HECTD4: variants seen among roughly 807,000 people sequenced by gnomAD.
HECTD4 encodes HECT domain E3 ubiquitin protein ligase 4.
A neutral mutation model predicts 471.5 loss-of-function variants in HECTD4; 114 were observed. That is an observed-to-expected ratio of 0.24 (90% confidence interval 0.21 to 0.28). HECTD4 has a LOEUF of 0.28. HECTD4 is among the 10% of genes least tolerant of loss of function. The pLI is 1.00. For synonymous variants in HECTD4, 2,012 were observed against 2,256.0 expected (o/e 0.89, Z 3.07); for missense variants, 3,866 against 5,651.5 (o/e 0.68, Z 10.13).
In HECTD4 at chr12:112,166,637, C is replaced by T. The variant is rs569397196; in HGVS notation, c.12534+680G>A. On this transcript the variant is annotated intron_variant, in intron 72 of 75. Coordinates refer to ENST00000682272, the MANE Select transcript of HECTD4 (RefSeq NM_001388303.1). This position sits in a 1 kb window ranked among gnomAD's most constrained non-coding sequence, Gnocchi z 4.6. The stretch of plus-strand genomic sequence containing the variant: ...CTGTGAGGGCCCAGGCAAGTCACCT[C>T]CCTTTGGTGAGCCTCACTTTCCTCC... 7 of 152,656 alleles carry T rather than the reference C, an allele frequency of 4.6e-5. No homozygotes were observed. In the East Asian group the frequency reaches 1.4e-3, roughly 29 times the overall value. 9.5% of individuals were successfully genotyped at this position (152,656 alleles called of 1,614,324 possible).
chr12:112,351,083 G>T (rs902031716), intron 1 of HECTD4, among the ~76,000 whole-genome samples: 12 of 152,198 alleles, frequency 7.9e-5, no homozygotes, highest in Admixed American at 7.2e-4. Flanking sequence ...AGGAAGACAT[G>T]TTTGGTTTGG....
chr12:112,240,140 G>A (rs2033605243), intron 32 of HECTD4, 113 bp from the exon 33 acceptor site: 2 of 1,079,402 alleles, frequency 1.9e-6, no homozygotes, highest in South Asian at 1.6e-5. Flanking sequence ...AGAACTGAAG[G>A]GATCTTGGAG....
At chr12:112,177,239 A>C (rs1027133758) in intron 64 of HECTD4, among the ~76,000 whole-genome samples, 2 of 152,218 alleles carry the variant, frequency 1.3e-5, no homozygotes, top group African/African-American at 2.4e-5. Flanking sequence ...CTGGTTAAAC[A>C]ATTCCTCTAG....
chr12:112,354,905 C>T (rs530572791), intron 1 of HECTD4, among the ~76,000 whole-genome samples: 19 of 152,052 alleles, frequency 1.2e-4, no homozygotes, highest in African/African-American at 4.3e-4. Context: ...CAAAGATGAG[C>T]GCTGCCCTAC....
chr12:112,309,508 G>T, intron 5 of HECTD4, 53 bp downstream of exon 5: 1 of 784,440 alleles, frequency 1.3e-6, no homozygotes, highest in South Asian at 1.6e-5. Context: ...AGAGATTTAT[G>T]TAAGGAGGAT....
At chr12:112,352,513 T>A (rs1467560445) in intron 1 of HECTD4, among the ~76,000 whole-genome samples, 2 of 151,734 alleles carry the variant, frequency 1.3e-5, no homozygotes. Context: ...TTTTTATATT[T>A]TTAGTAGAGA....
chr12:112,186,340 A>ACT (rs1566065145), intron 60 of HECTD4, among the ~76,000 whole-genome samples: 5 of 113,938 alleles, frequency 4.4e-5, no homozygotes, highest in East Asian at 5.2e-4. Context: ...TTTTTTTAAT[A>ACT]ATTTTTTTTT....
At chr12:112,177,377 A>T (rs12301331) in intron 64 of HECTD4, among the ~76,000 whole-genome samples, 12,289 of 127,182 alleles carry the variant, frequency 0.097, 752 homozygotes, top group Middle Eastern at 0.19. Context: ...TTATGAGGCT[A>T]TTTTTTTTTT....
At position 112,185,486 on chromosome 12, in the gene HECTD4, G is replaced by A. The variant is rs1249321028; in HGVS notation, c.9480C>T (p.Phe3160=). 1 of 1,543,664 alleles carries A rather than the reference G, an allele frequency of 6.5e-7. No individual in the cohort carries two copies. The highest frequency in any genetic ancestry group is 2.3e-5 in the East Asian group (1 of 44,068). ...LLQVVELLGN[F]LWTTDMAACV... ...AGGCTGCCATGTCCGTGGTCCACAA[G>A]AAGTTTCCTGAGGCAAATGAAAATA... The change falls in exon 61 of 76, where the codon TTC becomes TTT. Residue 3160 remains phenylalanine, a synonymous_variant. Transcript: ENST00000682272.
intron 20 of HECTD4, among the ~76,000 whole-genome samples, chr12:112,257,131 T>C (rs2034031925): frequency 6.6e-6 from 1 of 152,232 alleles, no homozygotes. Context: ...TTAGTTACCA[T>C]GGAATTCTCT....
At chr12:112,280,467 C>T (rs555901395) in intron 8 of HECTD4, among the ~76,000 whole-genome samples, 44 of 151,918 alleles carry the variant, frequency 2.9e-4, no homozygotes, top group African/African-American at 4.6e-4. Flanking sequence ...TTATCTATAG[C>T]CTGGATAGAT....
chr12:112,228,865 G>T lies in HECTD4; in HGVS notation c.6520-54C>A. 1 of 1,527,186 alleles carries T rather than the reference G, an allele frequency of 6.5e-7. No homozygotes were observed. Among genetic ancestry groups the T allele is most frequent in the Non-Finnish European group, 8.9e-7 (1 of 1,120,624 alleles). The allele number at this position is 1,527,186 out of a possible 1,614,324, so 94.6% of individuals were successfully genotyped here. ...AACCAGCTCTGACGTGTGGGCAGCT[G>T]TCTTACGAGACAAGAGGAAAAAGTA... On this transcript the variant is annotated intron_variant, in intron 41 of 75. Transcript: ENST00000682272. The surrounding 1 kb of genome is among the most constrained non-coding windows in gnomAD (Gnocchi z 4.9).
rs780721981 is a variant in HECTD4 at position 112,163,024 on chromosome 12, G to A, written c.13120+18C>T. ...CTAGTGTGTCCCTACTTGGGACATG[G>A]CCAGGGGAGGGCGGTACCTGCTGTG... On this transcript the variant is annotated intron_variant, in intron 75 of 75. Transcript: ENST00000682272. This position sits in a 1 kb window ranked among gnomAD's most constrained non-coding sequence, Gnocchi z 8.2. The A allele has an allele frequency of 6.4e-7, 1 of 1,572,750 alleles. No individual in the cohort carries two copies. The highest frequency in any genetic ancestry group is 8.7e-7 in the Non-Finnish European group (1 of 1,148,484).
chr12:112,234,947 G>T, intron 37 of HECTD4, 130 bp downstream of exon 37: 1 of 722,396 alleles, frequency 1.4e-6, no homozygotes, highest in Non-Finnish European at 2.2e-6. Context: ...GAATCACAGT[G>T]ACAGTGTCTA....
rs941506234 is a variant in HECTD4, at chr12:112,188,058, A to T, written c.9473-2565T>A. On this transcript the variant is annotated intron_variant, in intron 60 of 75. Transcript: ENST00000682272. This position sits in a 1 kb window ranked among gnomAD's most constrained non-coding sequence, Gnocchi z 4.2. Reference sequence around the variant, plus strand: ...TCCCAGTACTATGGGAGGCCAAGGCAGGTGGGTCACCTGAGGTCAGGAGAC... The same window carrying T: ...TCCCAGTACTATGGGAGGCCAAGGCTGGTGGGTCACCTGAGGTCAGGAGAC... Among the ~76,000 whole-genome samples, 1 of 152,104 alleles carries T rather than the reference A, an allele frequency of 6.6e-6. No homozygotes were observed. Among genetic ancestry groups the T allele is most frequent in the South Asian group, 2.1e-4 (1 of 4,818 alleles).
intron 1 of HECTD4, among the ~76,000 whole-genome samples, chr12:112,361,024 A>C (rs2036439592): frequency 6.6e-6 from 1 of 151,910 alleles, no homozygotes; most frequent in Non-Finnish European, 1.5e-5. Flanking sequence ...CAGTATTATT[A>C]GTCAACTACA....
chr12:112,250,489 T>A (rs1400872077), intron 24 of HECTD4, 112 bp from the exon 25 acceptor site: 3 of 759,886 alleles, frequency 3.9e-6, no homozygotes, highest in Non-Finnish European at 6.4e-6. Flanking sequence ...CTGTGTTAAG[T>A]AATTACTCAT....
chr12:112,200,884 CGTGTGTGTGTGTGTGT>C (rs3835014), intron 54 of HECTD4, 86 bp from the exon 55 acceptor site: 5 of 698,758 alleles, frequency 7.2e-6, no homozygotes, highest in East Asian at 6.1e-5. Flanking sequence ...TGCGTGCGTG[CGTGTGTGTGTGTGTGT>C]GTGTGTGTGT....
chr12:112,229,607 G>T, intron 41 of HECTD4, 91 bp downstream of exon 41: 1 of 1,284,248 alleles, frequency 7.8e-7, no homozygotes. Flanking sequence ...ACAGCTGGTT[G>T]GATAATACTT....
Sources: allele counts gnomAD v4.1 joint callset (sites outside exome capture counted in the v4.1 genomes callset), GRCh38; gene constraint gnomAD v4.1.1; non-coding constraint Gnocchi (gnomAD v3.1); transcripts MANE v1.5; gene names NCBI Gene and HGNC (gene_info 2026-07-23, HGNC 2026-07-21).